MAGI3: variants seen among roughly 807,000 people sequenced by gnomAD.
The protein encoded by MAGI3 is membrane-associated guanylate kinase, WW and PDZ domain-containing protein 3.
A neutral mutation model predicts 121.8 loss-of-function variants in MAGI3; 43 were observed. The ratio of observed to expected loss-of-function variants is 0.35; its 90% CI spans 0.28 to 0.46. MAGI3 has a LOEUF of 0.46. Among genes scored for constraint, MAGI3 ranks in the 20% least tolerant of loss-of-function variants. The probability of loss-of-function intolerance (pLI) is 1.00; values close to 1 mark genes in which losing one functional copy is unlikely to be tolerated. For synonymous variants in MAGI3, 553 were observed against 639.3 expected (o/e 0.86, Z 2.04); for missense variants, 1,547 against 1,797.3 (o/e 0.86, Z 2.52).
At chr1:113,510,554 C>T (rs1412228173) in intron 1 of MAGI3, among the ~76,000 whole-genome samples, 2 of 152,118 alleles carry the variant, frequency 1.3e-5, no homozygotes, top group Admixed American at 6.5e-5. Flanking sequence ...TTTGAGATAT[C>T]GCCCTTAAGT....
chr1:113,668,735 A>T (rs914427936), intron 16 of MAGI3, among the ~76,000 whole-genome samples: 7 of 151,258 alleles, frequency 4.6e-5, no homozygotes, highest in African/African-American at 1.7e-4. Flanking sequence ...GGCGCCCGCC[A>T]CCGCGCCCGG....
intron 1 of MAGI3, among the ~76,000 whole-genome samples, chr1:113,514,868 A>G (rs1657809365): frequency 6.6e-6 from 1 of 152,180 alleles, no homozygotes; most frequent in Non-Finnish European, 1.5e-5. Context: ...AGGATATGAA[A>G]GATGGGAAAG....
At chr1:113,508,990 G>T (rs927495453) in intron 1 of MAGI3, among the ~76,000 whole-genome samples, 7 of 152,034 alleles carry the variant, frequency 4.6e-5, no homozygotes, top group Non-Finnish European at 1.0e-4. Context: ...GTAAATGGTG[G>T]TATTATTTAG....
Position 113,683,782 on chromosome 1 carries a change from A to G in MAGI3, c.4214A>G (p.Gln1405Arg). Residue 1405 changes from glutamine to arginine, a missense_variant, in exon 21 of 21, where the codon CAG becomes CGG. Coordinates refer to ENST00000307546, the MANE Select transcript of MAGI3 (RefSeq NM_001142782.2). ...SSNDKIGENV[Q>R]LSEKRLKQEP... ...AACGATAAAATAGGAGAAAATGTCC[A>G]GCTATCAGAAAAGAGGCTGAAGCAA... 4 of 1,606,558 alleles carry G rather than the reference A, an allele frequency of 2.5e-6. No homozygotes were observed. The highest frequency in any genetic ancestry group is 3.4e-6 in the Non-Finnish European group (4 of 1,176,128).
At chr1:113,447,803 C>T (rs775311960) in intron 1 of MAGI3, among the ~76,000 whole-genome samples, 8 of 151,888 alleles carry the variant, frequency 5.3e-5, no homozygotes, top group Non-Finnish European at 8.8e-5. Flanking sequence ...GCAGTAGAGC[C>T]GAGATCACGC....
chr1:113,573,188 G>A (rs1021212707), intron 2 of MAGI3, among the ~76,000 whole-genome samples: 15 of 152,208 alleles, frequency 9.9e-5, no homozygotes, highest in African/African-American at 1.7e-4. Flanking sequence ...GCCTCCCAAA[G>A]TGCTGGGATT....
At chr1:113,524,398 C>G (rs1243380354) in intron 1 of MAGI3, among the ~76,000 whole-genome samples, 5 of 152,136 alleles carry the variant, frequency 3.3e-5, no homozygotes, top group African/African-American at 7.2e-5. Flanking sequence ...CCCATGAAAA[C>G]AGCCAGGAAG....
At chr1:113,466,503 A>G (rs367571141) in intron 1 of MAGI3, among the ~76,000 whole-genome samples, 1 of 152,134 alleles carries the variant, frequency 6.6e-6, no homozygotes, top group Non-Finnish European at 1.5e-5. Flanking sequence ...GGCCTCATAA[A>G]AGGAGTTTGG....
At position 113,622,914 on chromosome 1, in the gene MAGI3, G is replaced by A; in HGVS notation, c.1280G>A (p.Gly427Glu). 1 of 1,597,624 alleles carries A rather than the reference G, an allele frequency of 6.3e-7. No individual in the cohort carries two copies. The highest frequency in any genetic ancestry group is 1.1e-5 in the South Asian group (1 of 87,220). Residue 427 changes from glycine (G) to glutamate (E), a missense_variant, in exon 9 of 21, where the codon GGA (glycine) becomes GAA (glutamate). Gly to Glu is a moderately conservative substitution (Grantham distance 98). Coordinates refer to ENST00000307546, the MANE Select transcript of MAGI3 (RefSeq NM_001142782.2). ...GGATTTGGTTTTACTATTATTGGTG[G>A]AGATAGACCTGATGAGTTCCTACAA... ...TMGFGFTIIG[G>E]DRPDEFLQVK... is the part of the protein sequence containing the mutation.
At chr1:113,410,078 A>G (rs998703027) in intron 1 of MAGI3, among the ~76,000 whole-genome samples, 3 of 152,158 alleles carry the variant, frequency 2.0e-5, no homozygotes, top group Admixed American at 2.0e-4. Context: ...TCTTGCCTGA[A>G]GATGGTCTTT....
At chr1:113,446,101 GTAT>G (rs1364008923) in intron 1 of MAGI3, among the ~76,000 whole-genome samples, 3 of 152,146 alleles carry the variant, frequency 2.0e-5, no homozygotes, top group Non-Finnish European at 2.9e-5. Context: ...CCAAAAGCTA[GTAT>G]TATTGTCACT....
chr1:113,455,588 A>C (rs953825300), intron 1 of MAGI3, among the ~76,000 whole-genome samples: 1 of 152,006 alleles, frequency 6.6e-6, no homozygotes, highest in Non-Finnish European at 1.5e-5. Context: ...TCTCTTTTGC[A>C]CCAGGACCTT....
At chr1:113,486,348 A>T (rs998912076) in intron 1 of MAGI3, among the ~76,000 whole-genome samples, 8 of 152,020 alleles carry the variant, frequency 5.3e-5, no homozygotes, top group African/African-American at 2.4e-5. Context: ...TGAGCATGGG[A>T]TGTGTTTCCA....
At chr1:113,643,321 C>T (rs1331145946) in intron 10 of MAGI3, among the ~76,000 whole-genome samples, 2 of 152,144 alleles carry the variant, frequency 1.3e-5, no homozygotes, top group Non-Finnish European at 2.9e-5. Flanking sequence ...TTCTTATTCT[C>T]GTTTCTTTGA....
At chr1:113,574,653 G>T (rs1159653112) in intron 2 of MAGI3, among the ~76,000 whole-genome samples, 1 of 152,034 alleles carries the variant, frequency 6.6e-6, no homozygotes, top group African/African-American at 2.4e-5. Context: ...AGAATCTGAC[G>T]ATCATGTGTC....
intron 1 of MAGI3, among the ~76,000 whole-genome samples, chr1:113,530,433 C>G (rs988336601): frequency 6.6e-6 from 1 of 151,366 alleles, no homozygotes; most frequent in Non-Finnish European, 1.5e-5. Context: ...ACAACAGACA[C>G]CAGGGCCTAT....
chr1:113,535,710 T>C (rs1658943878), intron 1 of MAGI3, among the ~76,000 whole-genome samples: 2 of 152,180 alleles, frequency 1.3e-5, no homozygotes, highest in Admixed American at 6.5e-5. Flanking sequence ...AAAATACTTA[T>C]TACCGCACAT....
chr1:113,680,887 A>G lies in MAGI3; in HGVS notation c.3190-311A>G, dbSNP rs563049421. 1.4e-4 allele frequency among the ~76,000 whole-genome samples: 22 copies of G among 152,328 alleles called. No individual in the cohort carries two copies. In the South Asian group the frequency reaches 3.5e-3, roughly 24 times the overall value. On this transcript the variant is annotated intron_variant, in intron 19 of 20. Coordinates refer to ENST00000307546, the MANE Select transcript of MAGI3 (RefSeq NM_001142782.2). ...GATTAACATTCTAAATTTGATTTCT[A>G]TAAATTTAGAAAATTCCAAATCTGA...
chr1:113,600,548 A>G (rs1271034661), intron 6 of MAGI3, among the ~76,000 whole-genome samples: 1 of 152,178 alleles, frequency 6.6e-6, no homozygotes, highest in Non-Finnish European at 1.5e-5. Flanking sequence ...GAGAACTACA[A>G]ACCACTGCTC....
Sources: allele counts gnomAD v4.1 joint callset (sites outside exome capture counted in the v4.1 genomes callset), GRCh38; gene constraint gnomAD v4.1.1; transcripts MANE v1.5; gene names NCBI Gene and HGNC (gene_info 2026-07-23, HGNC 2026-07-21).